The following PROS1 variants were observed in gnomAD, a reference collection of about 807,000 sequenced individuals.
PROS1 encodes vitamin K-dependent protein S.
PROS1 carries 29 observed loss-of-function variants against 75.9 expected under a neutral mutation model. The observed-to-expected ratio is 0.38, with a 90% CI of 0.28 to 0.52. PROS1 has a LOEUF of 0.52. Ranked by LOEUF, PROS1 falls within the 20% of genes least tolerant of loss-of-function variation. The pLI is 0.83. For synonymous variants in PROS1, 245 were observed against 280.6 expected (o/e 0.87, Z 1.27); for missense variants, 680 against 810.3 (o/e 0.84, Z 1.95).
rs1709931087 is a variant in PROS1 at position 93,973,810 on chromosome 3, T to C, written c.-61A>G. 2 of 1,452,620 alleles carry C rather than the reference T, an allele frequency of 1.4e-6. No individual in the cohort carries two copies. The highest frequency in any genetic ancestry group is 1.4e-5 in the African/African-American group (1 of 70,556). 90.0% of individuals were successfully genotyped at this position (1,452,620 alleles called of 1,614,324 possible). On this transcript the variant is annotated 5_prime_UTR_variant, in exon 1 of 15. Transcript: ENST00000394236. ...CGCGTCGCGGCGGGGACCGGAGCGC[T>C]AGGCGCCGCGGAGCTGCGAGCCTGT...
At chr3:93,968,070 A>G (rs1709816806) in intron 1 of PROS1, 1 of 152,220 alleles carries the variant, frequency 6.6e-6, no homozygotes, top group Non-Finnish European at 1.5e-5. Context: ...ACACAGATCC[A>G]GAATAAAGGG....
At chr3:93,899,540 T>C (rs1708554380) in intron 7 of PROS1, among the ~76,000 whole-genome samples, 1 of 152,192 alleles carries the variant, frequency 6.6e-6, no homozygotes, top group Non-Finnish European at 1.5e-5. Flanking sequence ...TGGCTAATGA[T>C]AATTCCGCAG....
At chr3:93,926,004 A>G (rs759348999) in intron 2 of PROS1, among the ~76,000 whole-genome samples, 1 of 151,832 alleles carries the variant, frequency 6.6e-6, no homozygotes, top group Admixed American at 6.6e-5. Flanking sequence ...CTTCTCCCTC[A>G]CTGGGCTTTT....
intron 1 of PROS1, among the ~76,000 whole-genome samples, chr3:93,945,063 C>T (rs1401752118): frequency 4.6e-5 from 7 of 152,066 alleles, no homozygotes; most frequent in Admixed American, 4.6e-4. Flanking sequence ...AGTAGAAAAT[C>T]TAGAAGAAAT....
chr3:93,973,781 G>A lies in PROS1; in HGVS notation c.-32C>T, dbSNP rs929081084. ...GCGCGCGGAGGCGCCGGCAGGGACG[G>A]TGGCGCGTCGCGGCGGGGACCGGAG... On this transcript the variant is annotated 5_prime_UTR_variant, in exon 1 of 15. Transcript: ENST00000394236. The A allele has an allele frequency of 6.3e-7, 1 of 1,588,510 alleles. No homozygotes were observed. The highest frequency in any genetic ancestry group is 2.3e-5 in the East Asian group (1 of 44,104).
intron 8 of PROS1, among the ~76,000 whole-genome samples, chr3:93,898,043 T>C (rs542304481): frequency 2.0e-5 from 3 of 152,058 alleles, no homozygotes; most frequent in Non-Finnish European, 2.9e-5. Context: ...GCCTAAGGCA[T>C]GATCAAACTA....
At chr3:93,947,326 C>A (rs938261760) in intron 1 of PROS1, among the ~76,000 whole-genome samples, 3 of 152,090 alleles carry the variant, frequency 2.0e-5, no homozygotes, top group Non-Finnish European at 4.4e-5. Context: ...CTATACAACT[C>A]CATTCAGAAT....
At chr3:93,909,036 A>G (rs1708716317) in intron 4 of PROS1, among the ~76,000 whole-genome samples, 1 of 152,240 alleles carries the variant, frequency 6.6e-6, no homozygotes, top group Non-Finnish European at 1.5e-5. Context: ...AATGGATGGA[A>G]AAGTAAACCA....
intron 1 of PROS1, among the ~76,000 whole-genome samples, chr3:93,934,943 A>T (rs1709160492): frequency 6.6e-6 from 1 of 152,144 alleles, no homozygotes; most frequent in South Asian, 2.1e-4. Flanking sequence ...AGGAAAAAAA[A>T]AAAAAGTCAC....
chr3:93,917,290 G>A (rs1384539382), intron 3 of PROS1, among the ~76,000 whole-genome samples: 1 of 152,014 alleles, frequency 6.6e-6, no homozygotes, highest in African/African-American at 2.4e-5. Flanking sequence ...TGTTTGTTTT[G>A]TTTTGTTTTT....
intron 6 of PROS1, among the ~76,000 whole-genome samples, chr3:93,901,865 C>T (rs1008613245): frequency 1.3e-5 from 2 of 152,188 alleles, no homozygotes; most frequent in Non-Finnish European, 2.9e-5. Flanking sequence ...TATATAGCAT[C>T]TCTCTGTATT....
intron 1 of PROS1, among the ~76,000 whole-genome samples, chr3:93,927,923 A>G (rs1230861258): frequency 7.4e-6 from 1 of 134,260 alleles, no homozygotes; most frequent in African/African-American, 2.8e-5. Flanking sequence ...GTATATATAT[A>G]TGTGTATATA....
intron 1 of PROS1, among the ~76,000 whole-genome samples, chr3:93,945,390 A>G (rs779096979): frequency 2.6e-5 from 4 of 152,222 alleles, no homozygotes; most frequent in Non-Finnish European, 4.4e-5. Context: ...TCCCTGATGA[A>G]CATTGATGCA....
chr3:93,918,826 A>G (rs762618209), intron 3 of PROS1, among the ~76,000 whole-genome samples: 4 of 152,216 alleles, frequency 2.6e-5, no homozygotes, highest in African/African-American at 4.8e-5. Context: ...AATTACAGGC[A>G]TGAGACATCA....
chr3:93,877,290 T>C, intron 13 of PROS1, 99 bp from the exon 14 acceptor site: 2 of 863,804 alleles, frequency 2.3e-6, no homozygotes, highest in Non-Finnish European at 3.7e-6. Flanking sequence ...TAAATTTCAA[T>C]AAGGAAAGAA....
intron 4 of PROS1, among the ~76,000 whole-genome samples, chr3:93,909,879 T>G (rs2107176883): frequency 6.6e-6 from 1 of 152,270 alleles, no homozygotes; most frequent in East Asian, 1.9e-4. Context: ...ATAGAAAATT[T>G]TTATCAAAAT....
intron 3 of PROS1, chr3:93,910,934 T>G (rs1199842821): frequency 1.9e-6 from 1 of 520,230 alleles, no homozygotes; most frequent in Non-Finnish European, 3.5e-6. Flanking sequence ...TGTGACAGCT[T>G]CTTCTCTCTG....
chr3:93,889,997 AGTAG>A (rs1455922541), intron 10 of PROS1, among the ~76,000 whole-genome samples: 1 of 152,198 alleles, frequency 6.6e-6, no homozygotes, highest in Non-Finnish European at 1.5e-5. Flanking sequence ...CGGACCTGCA[AGTAG>A]GGAAGATATT....
Position 93,946,558 on chromosome 3 carries a change from G to A in PROS1, c.77-19151C>T, listed in dbSNP as rs535761676. Among the ~76,000 whole-genome samples, 5 of 152,184 alleles carry A rather than the reference G, an allele frequency of 3.3e-5. No homozygotes were observed. In the South Asian group the frequency reaches 1.0e-3, roughly 32 times the overall value. On this transcript the variant is annotated intron_variant, in intron 1 of 14. Coordinates refer to ENST00000394236, the MANE Select transcript of PROS1 (RefSeq NM_000313.4). The stretch of plus-strand genomic sequence containing the variant: ...CTGACAAAAACAAGAAATGGGGAAA[G>A]GATTCCCTATTTAAAAAATGGTGCT...
Sources: gnomAD v4.1 joint callset for allele counts (sites outside exome capture counted in the v4.1 genomes callset) on GRCh38, gnomAD v4.1.1 for gene constraint, MANE v1.5 for transcripts, NCBI Gene and HGNC (gene_info 2026-07-23, HGNC 2026-07-21) for gene names.